USP48: variants seen among roughly 807,000 people sequenced by gnomAD.
USP48 encodes the protein ubiquitin carboxyl-terminal hydrolase 48.
USP48 carries 43 observed loss-of-function variants against 150.7 expected under a neutral mutation model. That is an observed-to-expected ratio of 0.29 (90% CI 0.22 to 0.37). The LOEUF is 0.37. USP48 is among the 10% of genes least tolerant of loss of function. USP48 has a pLI of 1.00. For synonymous variants in USP48, 396 were observed against 425.9 expected (o/e 0.93, Z 0.86); for missense variants, 813 against 1,249.6 (o/e 0.65, Z 5.27).
intron 1 of USP48, among the ~76,000 whole-genome samples, chr1:21,769,679 G>C (rs533954604): frequency 1.3e-5 from 2 of 152,214 alleles, no homozygotes; most frequent in Admixed American, 1.3e-4. Flanking sequence ...CCAAAATGCT[G>C]GGATTAAAGG....
intron 3 of USP48, among the ~76,000 whole-genome samples, 157 bp downstream of exon 3, chr1:21,756,389 G>A (rs1303892897): frequency 6.6e-6 from 1 of 150,624 alleles, no homozygotes; most frequent in African/African-American, 2.5e-5. Flanking sequence ...GCTGAGGCAG[G>A]AGAATCGCTT....
chr1:21,743,993 A>C (rs1238580173), intron 8 of USP48, among the ~76,000 whole-genome samples: 1 of 152,156 alleles, frequency 6.6e-6, no homozygotes, highest in Non-Finnish European at 1.5e-5. Context: ...TCTACAAAAG[A>C]ATCTTAATAG....
At chr1:21,690,199 AGGCTTC>A in intron 23 of USP48, 100 bp from the exon 24 acceptor site, 58 of 1,310,040 alleles carry the variant, frequency 4.4e-5, no homozygotes, top group Non-Finnish European at 5.4e-5. Flanking sequence ...AAAAAAAAAA[AGGCTTC>A]AGAGTACAAA....
chr1:21,711,213 T>C (rs1056824211), intron 15 of USP48, among the ~76,000 whole-genome samples: 18 of 152,136 alleles, frequency 1.2e-4, no homozygotes, highest in Non-Finnish European at 2.5e-4. Context: ...TAACTCTAAG[T>C]TGGCGAAAGT....
chr1:21,679,570 G>A (rs2097559805), intron 26 of USP48, 131 bp from the exon 27 acceptor site: 1 of 1,141,310 alleles, frequency 8.8e-7, no homozygotes, highest in Non-Finnish European at 1.3e-6. Flanking sequence ...GCACCTTGGT[G>A]TGGGAGGATA....
rs770654131 is a variant in USP48 at position 21,782,993 on chromosome 1, G to A, written c.-36C>T. ...CCAGGAACGCCTCCCGAGCCAGACC[G>A]CCGCAGCCGCCGCCGCGGTCTGCAC... On this transcript the variant is annotated 5_prime_UTR_variant, in exon 1 of 27. Coordinates refer to ENST00000308271, the MANE Select transcript of USP48 (RefSeq NM_032236.8). The A allele has an allele frequency of 2.1e-5, 31 of 1,485,684 alleles. No homozygotes were observed. Among genetic ancestry groups the A allele is most frequent in the Admixed American group, 4.7e-5 (2 of 42,566 alleles). 92.0% of individuals were successfully genotyped at this position (1,485,684 alleles called of 1,614,324 possible).
At chr1:21,691,269 A>ATTG (rs1287463679) in intron 23 of USP48, among the ~76,000 whole-genome samples, 25 of 145,650 alleles carry the variant, frequency 1.7e-4, no homozygotes, top group African/African-American at 6.5e-4. Flanking sequence ...AGCTGAGACC[A>ATTG]CGCCATTGCA....
chr1:21,733,604 A>G (rs1480575600), intron 9 of USP48, among the ~76,000 whole-genome samples: 1 of 152,224 alleles, frequency 6.6e-6, no homozygotes, highest in East Asian at 1.9e-4. Context: ...GTGAGTTATG[A>G]AAACACTGGA....
Position 21,679,458 on chromosome 1 carries a change from G to T in USP48, c.3086-19C>A. 6.2e-7 allele frequency: 1 copy of T among 1,613,808 alleles called. No homozygotes were observed. Among genetic ancestry groups the T allele is most frequent in the Non-Finnish European group, 8.5e-7 (1 of 1,179,928 alleles). On this transcript the variant is annotated intron_variant, in intron 26 of 26. Coordinates refer to ENST00000308271, the MANE Select transcript of USP48 (RefSeq NM_032236.8). Reference sequence around the variant, plus strand: ...CCAGTACCTGGGAAAAGAAACACACGTGGAGGGATAGTTGTGAACTACAGA... The same window carrying T: ...CCAGTACCTGGGAAAAGAAACACACTTGGAGGGATAGTTGTGAACTACAGA...
chr1:21,739,485 C>T (rs2097776144), intron 8 of USP48, among the ~76,000 whole-genome samples: 1 of 126,334 alleles, frequency 7.9e-6, no homozygotes, highest in South Asian at 2.5e-4. Flanking sequence ...TGCCATTGCA[C>T]TCCGGCCTGG....
chr1:21,746,560 C>G (rs1474153552), intron 8 of USP48, among the ~76,000 whole-genome samples: 2 of 152,080 alleles, frequency 1.3e-5, no homozygotes, highest in Non-Finnish European at 2.9e-5. Flanking sequence ...AGGATGAAGA[C>G]TACCAAAAGA....
chr1:21,690,228 TAC>T, intron 23 of USP48, 129 bp from the exon 24 acceptor site: 1 of 1,073,372 alleles, frequency 9.3e-7, no homozygotes, highest in South Asian at 2.0e-5. Flanking sequence ...CACTATTGTT[TAC>T]AGTCAGCCTA....
chr1:21,681,025 A>G, intron 25 of USP48, 191 bp from the exon 26 acceptor site: 1 of 510,976 alleles, frequency 2.0e-6, no homozygotes, highest in Non-Finnish European at 3.5e-6. Flanking sequence ...TATCAAAGCA[A>G]TACGTATGCA....
At chr1:21,732,260 C>T (rs979802593) in intron 9 of USP48, among the ~76,000 whole-genome samples, 1 of 105,514 alleles carries the variant, frequency 9.5e-6, no homozygotes, top group African/African-American at 2.6e-5. Context: ...GCCTGGGCGA[C>T]ACAGTGAGAC....
At chr1:21,699,365 A>AT (rs1232926331) in intron 22 of USP48, among the ~76,000 whole-genome samples, 2 of 132,410 alleles carry the variant, frequency 1.5e-5, no homozygotes, top group Non-Finnish European at 3.3e-5. Flanking sequence ...CGCCCGGCTA[A>AT]TTTTTTGTAT....
chr1:21,722,738 G>C (rs2097724971), intron 12 of USP48, among the ~76,000 whole-genome samples: 1 of 151,922 alleles, frequency 6.6e-6, no homozygotes, highest in Non-Finnish European at 1.5e-5. Flanking sequence ...CCAGCTACTT[G>C]GAAGACTGAG....
At chr1:21,740,385 A>G (rs1047142342) in intron 8 of USP48, among the ~76,000 whole-genome samples, 1 of 152,260 alleles carries the variant, frequency 6.6e-6, no homozygotes, top group African/African-American at 2.4e-5. Flanking sequence ...AAGATTATCA[A>G]AATGAATCTG....
intron 1 of USP48, among the ~76,000 whole-genome samples, chr1:21,773,962 A>AC (rs1368081610): frequency 6.6e-6 from 1 of 151,940 alleles, no homozygotes; most frequent in African/African-American, 2.4e-5. Flanking sequence ...GCAAAGCAAG[A>AC]CCCCATCTCT....
intron 25 of USP48, among the ~76,000 whole-genome samples, chr1:21,685,479 T>C (rs2097578199): frequency 6.6e-6 from 1 of 152,086 alleles, no homozygotes; most frequent in Non-Finnish European, 1.5e-5. Context: ...TACGCCTGGT[T>C]AATTTTTGTA....
Sources: gnomAD v4.1 joint callset for allele counts (sites outside exome capture counted in the v4.1 genomes callset) on GRCh38, gnomAD v4.1.1 for gene constraint, MANE v1.5 for transcripts, NCBI Gene and HGNC (gene_info 2026-07-23, HGNC 2026-07-21) for gene names.